The following PRRX2 variants were observed in gnomAD, a reference collection of about 807,000 sequenced individuals.
The protein encoded by PRRX2 is paired mesoderm homeobox protein 2.
A neutral mutation model predicts 18.0 loss-of-function variants in PRRX2; 11 were observed. That is an observed-to-expected ratio of 0.61 (90% CI 0.39 to 1.01). The LOEUF (loss-of-function observed/expected upper bound fraction) is 1.01, where lower values mean the gene tolerates loss of function less well. Among genes scored for constraint, PRRX2 ranks in the 50% least tolerant of loss-of-function variants. The pLI is 0.01. For synonymous variants in PRRX2, 177 were observed against 154.8 expected, an observed-to-expected ratio of 1.14 and a Z score of -1.06; for missense variants, 387 against 351.0, an observed-to-expected ratio of 1.10 and a Z score of -0.82.
chr9:129,714,147 A>G (rs1439586322), intron 1 of PRRX2, among the ~76,000 whole-genome samples: 1 of 148,132 alleles, frequency 6.8e-6, no homozygotes, highest in Non-Finnish European at 1.5e-5. Context: ...TACTAAAAAT[A>G]CAAAAAAAAT....
At chr9:129,716,334 G>A (rs561822887) in intron 1 of PRRX2, among the ~76,000 whole-genome samples, 1 of 152,310 alleles carries the variant, frequency 6.6e-6, no homozygotes, top group South Asian at 2.1e-4. Flanking sequence ...GAGTCACATG[G>A]TAGACTGCTA....
At chr9:129,676,526 G>C (rs533943601) in intron 1 of PRRX2, among the ~76,000 whole-genome samples, 10 of 151,226 alleles carry the variant, frequency 6.6e-5, no homozygotes, top group East Asian at 1.9e-4. Context: ...GGTCACACAG[G>C]GGGTGGAGAA....
intron 1 of PRRX2, among the ~76,000 whole-genome samples, chr9:129,686,795 C>G (rs747538951): frequency 6.6e-6 from 1 of 152,210 alleles, no homozygotes. Flanking sequence ...ACCGGCCGCC[C>G]CTCCTCCACC....
At chr9:129,680,704 G>A (rs569593793) in intron 1 of PRRX2, among the ~76,000 whole-genome samples, 36 of 152,140 alleles carry the variant, frequency 2.4e-4, no homozygotes, top group African/African-American at 8.7e-4. Context: ...CCCGCCCCCA[G>A]CCCGCACACA....
chr9:129,692,141 G>C (rs1056295494), intron 1 of PRRX2, among the ~76,000 whole-genome samples: 1 of 151,382 alleles, frequency 6.6e-6, no homozygotes, highest in Non-Finnish European at 1.5e-5. Flanking sequence ...GAAGTGATAA[G>C]GTTTTGCTGT....
rs1832754741 is a variant in PRRX2 at position 129,719,240 on chromosome 9, C to T, written c.269C>T (p.Pro90Leu). Residue 90 changes from proline to leucine, a missense_variant, in exon 2 of 4, where the codon CCC becomes CTC. By Grantham distance (98) the Pro-to-Leu change is moderately conservative. Coordinates refer to ENST00000372469, the MANE Select transcript of PRRX2 (RefSeq NM_016307.4). ...SEAAPQDGEC[P>L]SPGRGSAAKR... is the part of the protein sequence containing the mutation. ...CCCCCAACCTCCGCAGGTGAGTGTC[C>T]CAGCCCGGGGCGCGGTAGCGCCGCC... 6.3e-7 allele frequency: 1 copy of T among 1,593,700 alleles called. No homozygotes were observed. The highest frequency in any genetic ancestry group is 1.7e-5 in the Admixed American group (1 of 57,892).
intron 1 of PRRX2, among the ~76,000 whole-genome samples, chr9:129,696,854 C>CT (rs1189357414): frequency 6.6e-6 from 1 of 152,146 alleles, no homozygotes; most frequent in Non-Finnish European, 1.5e-5. Context: ...GTGAAGGTGA[C>CT]TTTGAGTTCC....
chr9:129,703,765 G>T (rs1478045381), intron 1 of PRRX2, among the ~76,000 whole-genome samples: 1 of 152,208 alleles, frequency 6.6e-6, no homozygotes, highest in East Asian at 1.9e-4. Context: ...CACTCAGGAC[G>T]CCATTGGAGC....
At chr9:129,669,925 C>T (rs571928762) in intron 1 of PRRX2, among the ~76,000 whole-genome samples, 35 of 151,684 alleles carry the variant, frequency 2.3e-4, no homozygotes, top group African/African-American at 6.8e-4. Context: ...GTCGTGCAGT[C>T]GCCACCACCA....
intron 1 of PRRX2, among the ~76,000 whole-genome samples, chr9:129,667,974 C>G (rs533892503): frequency 1.3e-5 from 2 of 152,144 alleles, no homozygotes; most frequent in Non-Finnish European, 2.9e-5. Flanking sequence ...TTGGGACACA[C>G]TGGGTGTGGG....
intron 1 of PRRX2, chr9:129,712,943 C>G (rs1221432126): frequency 6.6e-6 from 1 of 152,232 alleles, no homozygotes; most frequent in African/African-American, 2.4e-5. Flanking sequence ...ATGCTTTAAG[C>G]CCAAGCACGG....
intron 1 of PRRX2, among the ~76,000 whole-genome samples, chr9:129,673,201 C>T (rs886373017): frequency 6.6e-6 from 1 of 152,200 alleles, no homozygotes; most frequent in Non-Finnish European, 1.5e-5. Flanking sequence ...GTAATCCTAG[C>T]ACTTTGGGAG....
At chr9:129,687,518 A>T (rs535032508) in intron 1 of PRRX2, among the ~76,000 whole-genome samples, 2 of 152,160 alleles carry the variant, frequency 1.3e-5, no homozygotes, top group Admixed American at 6.5e-5. Flanking sequence ...ACCGTCACTA[A>T]CTCAACTTGC....
chr9:129,701,812 T>G (rs1397840818), intron 1 of PRRX2, among the ~76,000 whole-genome samples: 2 of 152,158 alleles, frequency 1.3e-5, no homozygotes, highest in African/African-American at 2.4e-5. Flanking sequence ...CTTTCAAATG[T>G]CCTTAGGCCA....
At chr9:129,698,057 C>G (rs925412486) in intron 1 of PRRX2, among the ~76,000 whole-genome samples, 1 of 152,048 alleles carries the variant, frequency 6.6e-6, no homozygotes, top group Non-Finnish European at 1.5e-5. Context: ...CGCACCAAAT[C>G]TGTCTTAACC....
intron 1 of PRRX2, among the ~76,000 whole-genome samples, chr9:129,699,967 G>A (rs75225435): frequency 0.019 from 2,919 of 152,284 alleles, 44 homozygotes; most frequent in Middle Eastern, 0.058. Flanking sequence ...GTTACAAACC[G>A]AGGTCTAGAG....
intron 1 of PRRX2, among the ~76,000 whole-genome samples, chr9:129,702,314 C>T (rs1231167679): frequency 1.3e-5 from 2 of 151,518 alleles, no homozygotes; most frequent in African/African-American, 4.9e-5. Flanking sequence ...AGGAGAATGG[C>T]GTGAACCCGG....
intron 1 of PRRX2, among the ~76,000 whole-genome samples, chr9:129,689,856 G>C (rs1433070001): frequency 6.6e-6 from 1 of 151,842 alleles, no homozygotes; most frequent in Non-Finnish European, 1.5e-5. Flanking sequence ...AGGTTCAAGC[G>C]ATTCTCCTGC....
chr9:129,698,773 C>T (rs1832460964), intron 1 of PRRX2, among the ~76,000 whole-genome samples: 1 of 152,194 alleles, frequency 6.6e-6, no homozygotes, highest in Non-Finnish European at 1.5e-5. Flanking sequence ...GAGGAGCGGT[C>T]ACAGGCTCAA....
Sources: gnomAD v4.1 joint callset for allele counts (sites outside exome capture counted in the v4.1 genomes callset) on GRCh38, gnomAD v4.1.1 for gene constraint, MANE v1.5 for transcripts, NCBI Gene and HGNC (gene_info 2026-07-23, HGNC 2026-07-21) for gene names.